The following LINGO2 variants were observed in gnomAD, a reference collection of about 807,000 sequenced individuals.
LINGO2 encodes the protein leucine-rich repeat and immunoglobulin-like domain-containing nogo receptor-interacting protein 2.
LINGO2 carries 14 observed loss-of-function variants against 30.6 expected under a neutral mutation model. That is an observed-to-expected ratio of 0.46 (90% CI 0.30 to 0.72). LINGO2 has a LOEUF of 0.72. LINGO2 is among the 30% of genes least tolerant of loss of function. The probability of loss-of-function intolerance (pLI) is 0.07; values close to 1 mark genes in which losing one functional copy is unlikely to be tolerated. For missense variants in LINGO2, 729 were observed against 751.7 expected (o/e 0.97, Z 0.35); for synonymous variants, 317 against 288.5 (o/e 1.10, Z -1.00).
At chr9:28,792,879 T>C in the LINGO2 span, among the ~76,000 whole-genome samples, 1 of 152,144 alleles carries the variant, frequency 6.6e-6, no homozygotes, top group Non-Finnish European at 1.5e-5. Context: ...CTTTCCCCAG[T>C]GAATGCTGGA....
At chr9:28,167,224 C>T (rs967640241) in intron 4 of LINGO2, among the ~76,000 whole-genome samples, 2 of 148,520 alleles carry the variant, frequency 1.3e-5, no homozygotes, top group Non-Finnish European at 3.0e-5. Flanking sequence ...TGCTTCTACT[C>T]AACTTTGTAA....
chr9:29,005,385 T>C, the LINGO2 span, among the ~76,000 whole-genome samples: 9 of 151,900 alleles, frequency 5.9e-5, no homozygotes, highest in South Asian at 8.3e-4. Context: ...GAAAAATATA[T>C]AGAGTCATCC....
chr9:28,428,936 G>T (rs1250306290), intron 2 of LINGO2, among the ~76,000 whole-genome samples: 1 of 152,024 alleles, frequency 6.6e-6, no homozygotes. Context: ...CACTCAAAAG[G>T]CCTAGCCATA....
At chr9:28,052,193 A>G (rs907119934) in intron 4 of LINGO2, among the ~76,000 whole-genome samples, 3 of 152,126 alleles carry the variant, frequency 2.0e-5, no homozygotes, top group Non-Finnish European at 4.4e-5. Flanking sequence ...TTCTCAAAAG[A>G]AAACCAAAAT....
At chr9:28,196,931 G>A (rs1362739183) in intron 4 of LINGO2, among the ~76,000 whole-genome samples, 1 of 151,928 alleles carries the variant, frequency 6.6e-6, no homozygotes, top group Non-Finnish European at 1.5e-5. Context: ...AAGTGGAGAT[G>A]ATTAATGGGT....
Position 28,223,094 on chromosome 9 carries a change from G to A in LINGO2, c.-87+72114C>T, listed in dbSNP as rs565692632. Reference sequence around the variant, plus strand: ...AAATTGAGGGACTTGCACTCAGTTAGGCAAGCAACCACTGTGGACTACTGA... The same window carrying A: ...AAATTGAGGGACTTGCACTCAGTTAAGCAAGCAACCACTGTGGACTACTGA... On this transcript the variant is annotated intron_variant, in intron 4 of 5. Transcript: ENST00000379992. Among the ~76,000 whole-genome samples, 84 of 152,310 alleles carry A rather than the reference G, an allele frequency of 5.5e-4. 1 individual carries two copies. Among genetic ancestry groups the A allele is most frequent in the Middle Eastern group, 3.4e-3 (1 of 294 alleles).
At chr9:28,422,830 T>C (rs1823255980) in intron 2 of LINGO2, among the ~76,000 whole-genome samples, 1 of 151,982 alleles carries the variant, frequency 6.6e-6, no homozygotes, top group Admixed American at 6.6e-5. Flanking sequence ...CAATGGAGTA[T>C]TTTTCAGGAA....
chr9:28,348,257 G>A (rs1049546517), intron 3 of LINGO2, among the ~76,000 whole-genome samples: 5 of 152,144 alleles, frequency 3.3e-5, no homozygotes, highest in Non-Finnish European at 5.9e-5. Context: ...TCACTAGGGA[G>A]TGCCAGACAG....
chr9:28,661,063 C>G (rs775324333), intron 1 of LINGO2, among the ~76,000 whole-genome samples: 1 of 152,092 alleles, frequency 6.6e-6, no homozygotes, highest in African/African-American at 2.4e-5. Context: ...GCAACTACCT[C>G]TATCCAGAGG....
At chr9:29,161,759 A>C in the LINGO2 span, among the ~76,000 whole-genome samples, 1 of 152,216 alleles carries the variant, frequency 6.6e-6, no homozygotes, top group Admixed American at 6.5e-5. Flanking sequence ...TAACTCAAAG[A>C]AAACAGTTCC....
At chr9:28,709,952 G>A in the LINGO2 span, among the ~76,000 whole-genome samples, 171 of 151,444 alleles carry the variant, frequency 1.1e-3, no homozygotes, top group Admixed American at 6.6e-3. Flanking sequence ...AAATTCCAGA[G>A]GCTATATTTT....
At chr9:29,124,133 C>T in the LINGO2 span, among the ~76,000 whole-genome samples, 2 of 152,020 alleles carry the variant, frequency 1.3e-5, no homozygotes, top group Non-Finnish European at 2.9e-5. Flanking sequence ...TGATCTTTGA[C>T]AAATCTGACA....
chr9:28,549,820 T>G (rs1822179477), intron 1 of LINGO2, among the ~76,000 whole-genome samples: 1 of 151,872 alleles, frequency 6.6e-6, no homozygotes, highest in Non-Finnish European at 1.5e-5. Flanking sequence ...ATTCATCCAT[T>G]TTGTTTTTTA....
chr9:28,067,056 G>A (rs1171724958), intron 4 of LINGO2, among the ~76,000 whole-genome samples: 2 of 152,034 alleles, frequency 1.3e-5, no homozygotes, highest in African/African-American at 2.4e-5. Flanking sequence ...AGTAATATCT[G>A]CAGATATGGA....
the LINGO2 span, among the ~76,000 whole-genome samples, chr9:28,966,309 G>T: frequency 6.8e-6 from 1 of 146,330 alleles, no homozygotes; most frequent in Non-Finnish European, 1.5e-5. Context: ...ATGAACAAAC[G>T]GTTAGAGAAT....
chr9:28,062,689 GTA>G (rs753121714), intron 4 of LINGO2, among the ~76,000 whole-genome samples: 7 of 135,968 alleles, frequency 5.1e-5, no homozygotes, highest in South Asian at 5.1e-4. Context: ...TATATATTTT[GTA>G]TATATATATA....
chr9:28,846,591 C>T, the LINGO2 span, among the ~76,000 whole-genome samples: 5 of 147,496 alleles, frequency 3.4e-5, 1 homozygote, highest in Admixed American at 1.3e-4. Flanking sequence ...TAACTGCATC[C>T]CTGATCATAG....
intron 4 of LINGO2, among the ~76,000 whole-genome samples, chr9:28,041,817 T>A (rs1362058257): frequency 6.6e-6 from 1 of 152,196 alleles, no homozygotes; most frequent in Non-Finnish European, 1.5e-5. Context: ...TTTATAGTTA[T>A]AATTATTGTA....
At chr9:28,542,938 G>A (rs1821766700) in intron 1 of LINGO2, among the ~76,000 whole-genome samples, 1 of 152,048 alleles carries the variant, frequency 6.6e-6, no homozygotes. Flanking sequence ...CTAGGAATGG[G>A]CAGAAAGGAG....
Sources: gnomAD v4.1 joint callset for allele counts (sites outside exome capture counted in the v4.1 genomes callset) on GRCh38, gnomAD v4.1.1 for gene constraint, MANE v1.5 for transcripts, NCBI Gene and HGNC (gene_info 2026-07-23, HGNC 2026-07-21) for gene names.